The following HS6ST2 variants were observed in gnomAD, a reference collection of about 807,000 sequenced individuals.
HS6ST2 encodes heparan sulfate 6-O-sulfotransferase 2, also known as heparan-sulfate 6-O-sulfotransferase 2.
In HS6ST2, 17 loss-of-function variants were observed where a neutral mutation model predicts 33.0. The observed-to-expected ratio is 0.52, with a 90% CI of 0.35 to 0.77. The LOEUF (loss-of-function observed/expected upper bound fraction) is 0.77. HS6ST2 is among the 30% of genes least tolerant of loss of function. The pLI is 0.01. For synonymous variants in HS6ST2, 248 were observed against 237.1 expected (o/e 1.05, Z -0.42); for missense variants, 519 against 551.7 (o/e 0.94, Z 0.59).
At chrX:132,721,779 A>G (rs189540515) in intron 2 of HS6ST2, among the ~76,000 whole-genome samples, 219 of 112,206 alleles carry the variant, frequency 2.0e-3, no homozygotes, top group African/African-American at 6.5e-3. Flanking sequence ...GTTCAATTTA[A>G]TAATAATTGA....
chrX:132,929,827 G>A (rs1214802275), intron 2 of HS6ST2, among the ~76,000 whole-genome samples: 1 of 111,691 alleles, frequency 9.0e-6, no homozygotes, highest in Non-Finnish European at 1.9e-5. Context: ...AAACAACAAG[G>A]ATATGCAAAA....
rs766432931 is a variant in HS6ST2 at position 132,646,092 on chromosome X, TTA to T, written c.1068-17001_1068-17000del. Among the ~76,000 whole-genome samples, 538 of 111,612 alleles carry T rather than the reference TTA, an allele frequency of 4.8e-3. 7 individuals carry two copies. Among genetic ancestry groups the T allele is most frequent in the African/African-American group, 0.016 (498 of 30,664 alleles). ...TCTACCCCATGCCACTTTGTTCATT[TTA>T]TTTTAAAAGGTAATTTGCATGACAG... On this transcript the variant is annotated intron_variant, in intron 4 of 4. Coordinates refer to ENST00000370833, the MANE Select transcript of HS6ST2 (RefSeq NM_001394073.1).
chrX:132,686,200 C>T (rs1291338542), intron 3 of HS6ST2, among the ~76,000 whole-genome samples: 1 of 112,337 alleles, frequency 8.9e-6, no homozygotes, highest in East Asian at 2.8e-4. Context: ...TTCAAAGGTC[C>T]ATTAAATATA....
At chrX:132,948,829 G>C in intron 2 of HS6ST2, among the ~76,000 whole-genome samples, 2 of 112,041 alleles carry the variant, frequency 1.8e-5, no homozygotes, top group Middle Eastern at 4.6e-3. Flanking sequence ...TTTAAACTCA[G>C]TGACTAAATA....
intron 2 of HS6ST2, among the ~76,000 whole-genome samples, chrX:132,818,801 T>C (rs2065421442): frequency 1.8e-5 from 2 of 112,056 alleles, no homozygotes; most frequent in South Asian, 7.5e-4. Context: ...CACCAGACTG[T>C]TGAGTATCTC....
At chrX:132,731,980 A>G (rs1232856407) in intron 2 of HS6ST2, among the ~76,000 whole-genome samples, 2 of 112,116 alleles carry the variant, frequency 1.8e-5, no homozygotes, top group African/African-American at 3.2e-5. Context: ...CGCCCTGGAA[A>G]TATTGGTAAA....
chrX:132,641,189 G>A (rs758975315), intron 4 of HS6ST2, among the ~76,000 whole-genome samples: 221 of 112,742 alleles, frequency 2.0e-3, no homozygotes, highest in African/African-American at 6.6e-3. Context: ...TGTCTCCTAG[G>A]CTGGAGTGAA....
chrX:132,764,626 C>T (rs768289058), intron 2 of HS6ST2, among the ~76,000 whole-genome samples: 1 of 111,380 alleles, frequency 9.0e-6, no homozygotes, highest in South Asian at 3.8e-4. Flanking sequence ...ATGGGAAATG[C>T]CCCTCCTTAT....
At chrX:132,915,919 G>A (rs1421150343) in intron 2 of HS6ST2, among the ~76,000 whole-genome samples, 1 of 107,458 alleles carries the variant, frequency 9.3e-6, no homozygotes, top group East Asian at 2.9e-4. Flanking sequence ...ATTTTTAGTA[G>A]AGACAGGGTT....
intron 2 of HS6ST2, among the ~76,000 whole-genome samples, chrX:132,726,860 G>A (rs1286401470): frequency 9.0e-6 from 1 of 110,534 alleles, no homozygotes; most frequent in Non-Finnish European, 1.9e-5. Context: ...TTCATGGCCT[G>A]GATAATGTTC....
intron 2 of HS6ST2, among the ~76,000 whole-genome samples, chrX:132,794,574 G>GATGATGATGATGATTATTATTATT (rs916088563): frequency 5.0e-5 from 5 of 99,068 alleles, no homozygotes; most frequent in African/African-American, 1.6e-4. Context: ...TGATGATGAT[G>GATGATGATGATGATTATTATTATT]ATTATTATTA....
intron 2 of HS6ST2, among the ~76,000 whole-genome samples, chrX:132,760,155 T>C (rs961663703): frequency 2.7e-5 from 3 of 110,795 alleles, no homozygotes; most frequent in Non-Finnish European, 3.8e-5. Flanking sequence ...ATGGCAGACA[T>C]GAGAAAAGGC....
chrX:132,927,607 C>G (rs2066722209), intron 2 of HS6ST2, among the ~76,000 whole-genome samples: 1 of 111,448 alleles, frequency 9.0e-6, no homozygotes, highest in Admixed American at 9.5e-5. Flanking sequence ...GGTTATGGAT[C>G]CTTGGGGACT....
intron 4 of HS6ST2, among the ~76,000 whole-genome samples, chrX:132,657,136 ACAAATGC>A (rs1013591071): frequency 9.0e-6 from 1 of 111,570 alleles, no homozygotes; most frequent in African/African-American, 3.3e-5. Flanking sequence ...GTTGACTAAC[ACAAATGC>A]CTTGTCCATT....
At chrX:132,900,719 A>C (rs939223229) in intron 2 of HS6ST2, among the ~76,000 whole-genome samples, 1 of 111,158 alleles carries the variant, frequency 9.0e-6, no homozygotes, top group Admixed American at 9.6e-5. Flanking sequence ...TATTATTTCA[A>C]GGTAGAATAT....
At chrX:132,897,522 T>C (rs751152510) in intron 2 of HS6ST2, among the ~76,000 whole-genome samples, 2 of 111,703 alleles carry the variant, frequency 1.8e-5, no homozygotes, top group African/African-American at 6.5e-5. Context: ...ACCCACCTCA[T>C]AGGCAGATGT....
At chrX:132,847,623 C>A (rs1366257273) in intron 2 of HS6ST2, among the ~76,000 whole-genome samples, 2 of 111,335 alleles carry the variant, frequency 1.8e-5, no homozygotes, top group Non-Finnish European at 3.8e-5. Flanking sequence ...CTAGTGAGAC[C>A]ACATCTGAAC....
intron 2 of HS6ST2, among the ~76,000 whole-genome samples, chrX:132,858,491 G>A (rs1199096636): frequency 8.9e-6 from 1 of 111,791 alleles, no homozygotes; most frequent in Admixed American, 9.5e-5. Flanking sequence ...GGCAAGAATG[G>A]GATGCTGATC....
At chrX:132,944,686 C>A (rs1380988259) in intron 2 of HS6ST2, among the ~76,000 whole-genome samples, 1 of 110,868 alleles carries the variant, frequency 9.0e-6, no homozygotes, top group Non-Finnish European at 1.9e-5. Flanking sequence ...ACAGAGCCCT[C>A]AGAAATAATA....
Sources: allele counts gnomAD v4.1 joint callset (sites outside exome capture counted in the v4.1 genomes callset), GRCh38; gene constraint gnomAD v4.1.1; transcripts MANE v1.5; gene names NCBI Gene and HGNC (gene_info 2026-07-23, HGNC 2026-07-21).